PCDHGC3: variants seen among roughly 807,000 people sequenced by gnomAD.
PCDHGC3 encodes the protein protocadherin gamma subfamily C, 3.
PCDHGC3 carries 26 observed loss-of-function variants against 59.2 expected under a neutral mutation model. That is an observed-to-expected ratio of 0.44 (90% CI 0.32 to 0.61). The LOEUF is 0.61. Ranked by LOEUF, PCDHGC3 falls within the 20% of genes least tolerant of loss-of-function variation. PCDHGC3 has a pLI of 0.05. For missense variants in PCDHGC3, 1,080 were observed against 1,221.8 expected, an observed-to-expected ratio of 0.88 and a Z score of 1.73; for synonymous variants, 487 against 519.7, an observed-to-expected ratio of 0.94 and a Z score of 0.86.
In PCDHGC3 at chr5:141,485,867, G is replaced by T; in HGVS notation, c.2430+7321G>T. The T allele has an allele frequency of 6.2e-7, 1 of 1,614,164 alleles. No homozygotes were observed. Among genetic ancestry groups the T allele is most frequent in the Non-Finnish European group, 8.5e-7 (1 of 1,180,040 alleles). On this transcript the variant is annotated intron_variant, in intron 1 of 3. Transcript: ENST00000308177. The surrounding 1 kb of genome is among the most constrained non-coding windows in gnomAD (Gnocchi z 5.7). ...TGGCACCGCAGAGCTCCGGGTATCC[G>T]TGCTGGACGTAAACGACAACGCCCC...
At chr5:141,498,679 C>T (rs1454800332) in intron 2 of PCDHGC3, among the ~76,000 whole-genome samples, 1 of 152,170 alleles carries the variant, frequency 6.6e-6, no homozygotes, top group African/African-American at 2.4e-5. Flanking sequence ...CGCCTGTAAT[C>T]CCAGCACTTT....
At position 141,491,919 on chromosome 5, in the gene PCDHGC3, C is replaced by A. The variant is rs1177043977; in HGVS notation, c.2431-2888C>A. 1.5e-6 allele frequency: 2 copies of A among 1,361,778 alleles called. No homozygotes were observed. Among genetic ancestry groups the A allele is most frequent in the South Asian group, 1.6e-5 (1 of 64,218 alleles). 84.4% of individuals were successfully genotyped at this position (1,361,778 alleles called of 1,614,324 possible). A position where few individuals can be genotyped will look rare whatever the true frequency, so the allele number is the denominator to read the frequency against. On this transcript the variant is annotated intron_variant, in intron 1 of 3. Coordinates refer to ENST00000308177, the MANE Select transcript of PCDHGC3 (RefSeq NM_002588.4). The surrounding 1 kb of genome is among the most constrained non-coding windows in gnomAD (Gnocchi z 6.9). ...CACCGGGGGTGGTGGCGACTGTGGGCGAGGGGAGGTGGGACCGACCCCCAC... is the reference window on the plus strand; with the variant it reads ...CACCGGGGGTGGTGGCGACTGTGGGAGAGGGGAGGTGGGACCGACCCCCAC...
In PCDHGC3 at chr5:141,485,624, C is replaced by T; in HGVS notation, c.2430+7078C>T. 1 of 1,611,640 alleles carries T rather than the reference C, an allele frequency of 6.2e-7. No homozygotes were observed. The highest frequency in any genetic ancestry group is 1.1e-5 in the South Asian group (1 of 90,868). The stretch of plus-strand genomic sequence containing the variant: ...TGGGGAGGCAGCTCCTCCAGGACAG[C>T]GTTTCCCGTTGGAAAAGGCTCAGGA... On this transcript the variant is annotated intron_variant, in intron 1 of 3. Transcript: ENST00000308177. This position sits in a 1 kb window ranked among gnomAD's most constrained non-coding sequence, Gnocchi z 5.7.
rs967535805 is a variant in PCDHGC3 at position 141,490,206 on chromosome 5, C to T, written c.2431-4601C>T. 2.4e-5 allele frequency: 38 copies of T among 1,614,050 alleles called. No homozygotes were observed. In the Admixed American group the frequency reaches 5.0e-4, roughly 21 times the overall value. ...GTTTCTATGAAATTCATGCAAGAGCCCGTGACCAGGGACAGCCTGCCATGG... is the reference window on the plus strand; with the variant it reads ...GTTTCTATGAAATTCATGCAAGAGCTCGTGACCAGGGACAGCCTGCCATGG... On this transcript the variant is annotated intron_variant, in intron 1 of 3. Coordinates refer to ENST00000308177, the MANE Select transcript of PCDHGC3 (RefSeq NM_002588.4). This position sits in a 1 kb window ranked among gnomAD's most constrained non-coding sequence, Gnocchi z 5.4.
rs371964437 is a variant in PCDHGC3, at chr5:141,511,404, C to T, written c.*231C>T. On this transcript the variant is annotated 3_prime_UTR_variant, in exon 4 of 4. Coordinates refer to ENST00000308177, the MANE Select transcript of PCDHGC3 (RefSeq NM_002588.4). ...CCGCTGGGAACCCCCATCCAATCAA[C>T]TGCTGTACCCATGGGGGTAGTGGGG... The T allele has an allele frequency of 7.7e-5, 73 of 947,014 alleles. No individual in the cohort carries two copies. In the East Asian group the frequency reaches 1.8e-3, roughly 23 times the overall value. The allele number at this position is 947,014 out of a possible 1,614,324, so 58.7% of individuals were successfully genotyped here.
chr5:141,481,900 C>T (rs949418188), intron 1 of PCDHGC3, among the ~76,000 whole-genome samples: 13 of 126,002 alleles, frequency 1.0e-4, no homozygotes, highest in African/African-American at 3.2e-4. Flanking sequence ...GGTGAAAGAG[C>T]GAAACTCCAT....
chr5:141,504,510 C>T (rs2099838864), intron 2 of PCDHGC3, among the ~76,000 whole-genome samples: 1 of 151,952 alleles, frequency 6.6e-6, no homozygotes, highest in Non-Finnish European at 1.5e-5. Context: ...GAGTGGATCT[C>T]CTCTGATATA....
At chr5:141,506,241 G>C (rs2237081) in intron 3 of PCDHGC3, among the ~76,000 whole-genome samples, 78,081 of 151,504 alleles carry the variant, frequency 0.52, 20,775 homozygotes, top group African/African-American at 0.63. Context: ...ATGAGGTCAG[G>C]AGTTCGAAAC....
intron 1 of PCDHGC3, among the ~76,000 whole-genome samples, chr5:141,494,496 T>A (rs147870810): frequency 2.9e-3 from 442 of 152,264 alleles, no homozygotes; most frequent in Non-Finnish European, 4.9e-3. Flanking sequence ...ATGCCTTCAG[T>A]CCTTGAATTT....
chr5:141,503,825 CA>C (rs2154593417), intron 2 of PCDHGC3, among the ~76,000 whole-genome samples: 1 of 152,186 alleles, frequency 6.6e-6, no homozygotes, highest in Non-Finnish European at 1.5e-5. Flanking sequence ...TGGGCAAAAC[CA>C]AAAGCAGGGA....
chr5:141,476,328 G>C lies in PCDHGC3; in HGVS notation c.212G>C (p.Gly71Ala), dbSNP rs1381722714. The change falls in exon 1 of 4, where the codon GGA (glycine) becomes GCA (alanine). Residue 71 changes from glycine to alanine, a missense_variant. Gly to Ala is a moderately conservative substitution (Grantham distance 60). Coordinates refer to ENST00000308177, the MANE Select transcript of PCDHGC3 (RefSeq NM_002588.4). This position sits in a 1 kb window ranked among gnomAD's most constrained non-coding sequence, Gnocchi z 7.6. ...LSARRFRVVS[G>A]ASRRFFEVNR... is the part of the protein sequence containing the mutation. Reference sequence around the variant, plus strand: ...GCCCGCAGGTTCCGGGTGGTGTCTGGAGCTAGCCGAAGATTCTTTGAGGTG... The same window carrying C: ...GCCCGCAGGTTCCGGGTGGTGTCTGCAGCTAGCCGAAGATTCTTTGAGGTG... 1 of 1,614,176 alleles carries C rather than the reference G, an allele frequency of 6.2e-7. No individual in the cohort carries two copies. Among genetic ancestry groups the C allele is most frequent in the East Asian group, 2.2e-5 (1 of 44,864 alleles).
chr5:141,499,104 C>A (rs2099789508), intron 2 of PCDHGC3, among the ~76,000 whole-genome samples: 1 of 152,120 alleles, frequency 6.6e-6, no homozygotes, highest in African/African-American at 2.4e-5. Flanking sequence ...CTTCTCCTCC[C>A]CACCACTATC....
chr5:141,476,979 G>T lies in PCDHGC3; in HGVS notation c.863G>T (p.Arg288Leu). The T allele has an allele frequency of 1.2e-6, 2 of 1,614,238 alleles. No individual in the cohort carries two copies. The highest frequency in any genetic ancestry group is 1.7e-6 in the Non-Finnish European group (2 of 1,180,042). The part of the protein sequence containing the change: ...EIIYSFGSHN[R>L]AGVRQLFALD... The stretch of plus-strand genomic sequence containing the variant: ...ATTTACTCCTTCGGCAGCCACAACC[G>T]CGCCGGCGTGCGGCAACTATTCGCC... Residue 288 changes from arginine to leucine, a missense_variant, in exon 1 of 4, where the codon CGC (arginine) becomes CTC (leucine). Coordinates refer to ENST00000308177, the MANE Select transcript of PCDHGC3 (RefSeq NM_002588.4). This position sits in a 1 kb window ranked among gnomAD's most constrained non-coding sequence, Gnocchi z 7.6.
In PCDHGC3 at chr5:141,487,265, G is replaced by A; in HGVS notation, c.2431-7542G>A. 2 of 1,614,158 alleles carry A rather than the reference G, an allele frequency of 1.2e-6. 1 individual carries two copies. Among genetic ancestry groups the A allele is most frequent in the South Asian group, 2.2e-5 (2 of 91,084 alleles). On this transcript the variant is annotated intron_variant, in intron 1 of 3. Transcript: ENST00000308177. The surrounding 1 kb of genome is among the most constrained non-coding windows in gnomAD (Gnocchi z 5.0). Reference sequence around the variant, plus strand: ...AACCCTCTACTTGGCTGTGTCCCTAGTGGCAATTTGCTTTGTCTCCTTTGG... The same window carrying A: ...AACCCTCTACTTGGCTGTGTCCCTAATGGCAATTTGCTTTGTCTCCTTTGG...
intron 3 of PCDHGC3, among the ~76,000 whole-genome samples, chr5:141,508,871 A>T (rs981330486): frequency 5.3e-5 from 8 of 152,062 alleles, no homozygotes; most frequent in East Asian, 3.9e-4. Flanking sequence ...AAGGCTGAAG[A>T]GGCTGACGGC....
Position 141,486,697 on chromosome 5 carries a change from C to G in PCDHGC3, c.2431-8110C>G. 1 of 1,614,176 alleles carries G rather than the reference C, an allele frequency of 6.2e-7. No individual in the cohort carries two copies. The highest frequency in any genetic ancestry group is 8.5e-7 in the Non-Finnish European group (1 of 1,180,032). ...GAGATGTATCAGCTTCCTCTTTCATCTCTCTGAACCCCCAGACAGGAGCTG... is the reference window on the plus strand; with the variant it reads ...GAGATGTATCAGCTTCCTCTTTCATGTCTCTGAACCCCCAGACAGGAGCTG... On this transcript the variant is annotated intron_variant, in intron 1 of 3. Coordinates refer to ENST00000308177, the MANE Select transcript of PCDHGC3 (RefSeq NM_002588.4). The surrounding 1 kb of genome is among the most constrained non-coding windows in gnomAD (Gnocchi z 5.0).
chr5:141,499,029 A>AAGGAAGGAAGGAAGGAAGG (rs1562187768), intron 2 of PCDHGC3, among the ~76,000 whole-genome samples: 3 of 140,076 alleles, frequency 2.1e-5, no homozygotes, highest in African/African-American at 8.3e-5. Flanking sequence ...AGGAAGGAAG[A>AAGGAAGGAAGGAAGGAAGG]AAAGAAAGAA....
chr5:141,490,896 G>C lies in PCDHGC3; in HGVS notation c.2431-3911G>C. The stretch of plus-strand genomic sequence containing the variant: ...TGCATGCCAACACATCTCTGCATGT[G>C]TTTGTCCTAGACGAGAATGATAATG... On this transcript the variant is annotated intron_variant, in intron 1 of 3. Coordinates refer to ENST00000308177, the MANE Select transcript of PCDHGC3 (RefSeq NM_002588.4). This position sits in a 1 kb window ranked among gnomAD's most constrained non-coding sequence, Gnocchi z 5.4. 2.5e-6 allele frequency: 4 copies of C among 1,613,938 alleles called. No homozygotes were observed. The highest frequency in any genetic ancestry group is 3.4e-6 in the Non-Finnish European group (4 of 1,179,922).
At position 141,476,418 on chromosome 5, in the gene PCDHGC3, T is replaced by G. The variant is rs201255025; in HGVS notation, c.302T>G (p.Leu101Arg). ...GATCGAGAGGAGCTGTGTGGGACAC[T>G]GCCCTCTTGCACTGTAACTCTGGAG... ...RLDREELCGT[L>R]PSCTVTLELV... The change falls in exon 1 of 4, where the codon CTG becomes CGG. Residue 101 changes from leucine to arginine, a missense_variant. Physicochemically the swap from Leu to Arg is moderately radical, Grantham distance 102. Transcript: ENST00000308177. This position sits in a 1 kb window ranked among gnomAD's most constrained non-coding sequence, Gnocchi z 7.6. 8 of 1,614,122 alleles carry G rather than the reference T, an allele frequency of 5.0e-6. No homozygotes were observed. The highest frequency in any genetic ancestry group is 1.6e-4 in the Middle Eastern group (1 of 6,062).
Sources: allele counts gnomAD v4.1 joint callset (sites outside exome capture counted in the v4.1 genomes callset), GRCh38; gene constraint gnomAD v4.1.1; non-coding constraint Gnocchi (gnomAD v3.1); transcripts MANE v1.5; gene names NCBI Gene and HGNC (gene_info 2026-07-23, HGNC 2026-07-21).